The following DSCAM variants were observed in gnomAD, a reference collection of about 807,000 sequenced individuals.
The protein encoded by DSCAM is cell adhesion molecule DSCAM.
Under a neutral mutation model 217.7 loss-of-function variants are expected in DSCAM, and 47 were observed. That is an observed-to-expected ratio of 0.22 (90% CI 0.17 to 0.28). The LOEUF is 0.28. DSCAM is among the 10% of genes least tolerant of loss of function. The pLI is 1.00. For missense variants in DSCAM, 2,080 were observed against 2,618.3 expected (o/e 0.79, Z 4.49); for synonymous variants, 1,056 against 1,015.3 (o/e 1.04, Z -0.76).
Position 40,144,447 on chromosome 21 carries a change from C to G in DSCAM, c.3259+44G>C. 1.9e-6 allele frequency: 3 copies of G among 1,608,582 alleles called. No individual in the cohort carries two copies. The highest frequency in any genetic ancestry group is 2.6e-6 in the Non-Finnish European group (3 of 1,176,330). ...AGCCCCGGGGCAGACCCGAGGGAACCTTTGCGGAGGGAAAAGCCACGACCA... is the reference window on the plus strand; with the variant it reads ...AGCCCCGGGGCAGACCCGAGGGAACGTTTGCGGAGGGAAAAGCCACGACCA... On this transcript the variant is annotated intron_variant, in intron 17 of 32. Coordinates refer to ENST00000400454, the MANE Select transcript of DSCAM (RefSeq NM_001389.5). The surrounding 1 kb of genome is among the most constrained non-coding windows in gnomAD (Gnocchi z 4.8).
At chr21:40,725,951 A>T (rs2090951789) in intron 1 of DSCAM, among the ~76,000 whole-genome samples, 1 of 152,206 alleles carries the variant, frequency 6.6e-6, no homozygotes, top group South Asian at 2.1e-4. Context: ...AAAATGAATT[A>T]AAAGGTTGCA....
chr21:40,558,453 G>GAAA (rs34187407), intron 3 of DSCAM, among the ~76,000 whole-genome samples: 6 of 142,918 alleles, frequency 4.2e-5, no homozygotes, highest in African/African-American at 1.3e-4. Context: ...ATCTCAAAAA[G>GAAA]AAAAAAAAAA....
At chr21:40,143,102 C>T (rs2837452) in intron 17 of DSCAM, among the ~76,000 whole-genome samples, 65,641 of 152,008 alleles carry the variant, frequency 0.43, 17,206 homozygotes, top group South Asian at 0.59. Flanking sequence ...GAGTACGGTA[C>T]CTCTGTATTT....
intron 3 of DSCAM, among the ~76,000 whole-genome samples, chr21:40,659,875 T>C (rs989455415): frequency 1.2e-4 from 19 of 152,180 alleles, no homozygotes; most frequent in African/African-American, 4.1e-4. Context: ...GGTTGCCAAA[T>C]AACATACATG....
At chr21:40,544,064 G>C (rs1350691524) in intron 3 of DSCAM, among the ~76,000 whole-genome samples, 3 of 152,070 alleles carry the variant, frequency 2.0e-5, no homozygotes, top group African/African-American at 7.2e-5. Flanking sequence ...GAGGATACCT[G>C]GAAGTGAGGG....
intron 1 of DSCAM, among the ~76,000 whole-genome samples, chr21:40,734,937 G>A (rs2091048583): frequency 2.0e-5 from 3 of 152,348 alleles, no homozygotes; most frequent in South Asian, 4.1e-4. Context: ...AGTAGACAAA[G>A]TAAGAAGAGA....
At chr21:40,596,619 A>G (rs1016051664) in intron 3 of DSCAM, among the ~76,000 whole-genome samples, 2 of 152,214 alleles carry the variant, frequency 1.3e-5, no homozygotes, top group African/African-American at 4.8e-5. Flanking sequence ...AACAGAACAC[A>G]GAATTGTGGT....
intron 32 of DSCAM, among the ~76,000 whole-genome samples, chr21:40,029,079 A>G (rs898458376): frequency 6.6e-6 from 1 of 152,184 alleles, no homozygotes; most frequent in Non-Finnish European, 1.5e-5. Flanking sequence ...AACAGAAAAC[A>G]AAATTCTCTA....
chr21:40,561,243 G>A (rs977971984), intron 3 of DSCAM, among the ~76,000 whole-genome samples: 1 of 152,122 alleles, frequency 6.6e-6, no homozygotes, highest in Non-Finnish European at 1.5e-5. Context: ...GTCTAAAATG[G>A]CAACCCAGTA....
intron 2 of DSCAM, among the ~76,000 whole-genome samples, chr21:40,707,601 C>T (rs552671378): frequency 6.6e-6 from 1 of 152,276 alleles, no homozygotes; most frequent in South Asian, 2.1e-4. Context: ...TGCAAAGCTC[C>T]CCCAGCTACC....
chr21:40,109,833 C>T (rs1242176456), intron 20 of DSCAM, among the ~76,000 whole-genome samples: 3 of 152,216 alleles, frequency 2.0e-5, no homozygotes, highest in African/African-American at 7.2e-5. Flanking sequence ...GCACAGCAGT[C>T]TGAGATCAAA....
At chr21:40,412,534 G>A (rs137863671) in intron 3 of DSCAM, among the ~76,000 whole-genome samples, 40 of 152,274 alleles carry the variant, frequency 2.6e-4, no homozygotes, top group Middle Eastern at 6.8e-3. Context: ...ATGGCATTTT[G>A]CCCCTGCCCT....
intron 1 of DSCAM, among the ~76,000 whole-genome samples, chr21:40,749,615 G>T (rs138705576): frequency 6.6e-6 from 1 of 152,156 alleles, no homozygotes; most frequent in Non-Finnish European, 1.5e-5. Context: ...GCTCTTCCAC[G>T]CTGTTGGTGA....
intron 3 of DSCAM, among the ~76,000 whole-genome samples, chr21:40,620,770 T>C (rs2089503386): frequency 6.6e-6 from 1 of 152,234 alleles, no homozygotes; most frequent in Non-Finnish European, 1.5e-5. Flanking sequence ...AACACTACAC[T>C]GTGTTCATAT....
intron 10 of DSCAM, among the ~76,000 whole-genome samples, chr21:40,289,131 T>C (rs1459678738): frequency 6.6e-6 from 1 of 152,248 alleles, no homozygotes; most frequent in Non-Finnish European, 1.5e-5. Context: ...GAGAGAAGCC[T>C]AGAAAAATGT....
chr21:40,061,919 A>C (rs1234187135), intron 28 of DSCAM, among the ~76,000 whole-genome samples: 1 of 152,126 alleles, frequency 6.6e-6, no homozygotes, highest in Non-Finnish European at 1.5e-5. Context: ...AGTCCTTGAC[A>C]TTTTCCCTAC....
In DSCAM at chr21:40,275,954, A is replaced by T. The variant is rs2073680637; in HGVS notation, c.2356+143T>A. On this transcript the variant is annotated intron_variant, in intron 11 of 32. Transcript: ENST00000400454. Reference sequence around the variant, plus strand: ...TTCAATCATGTTTCCAGAACAACAAAACTTTAAACCCAGCTATATCACACC... The same window carrying T: ...TTCAATCATGTTTCCAGAACAACAATACTTTAAACCCAGCTATATCACACC... 14 of 830,396 alleles carry T rather than the reference A, an allele frequency of 1.7e-5. No homozygotes were observed. The South Asian group carries it at 4.7e-4, about 28-fold the overall frequency. 51.4% of individuals were successfully genotyped at this position (830,396 alleles called of 1,614,324 possible). A position where few individuals can be genotyped will look rare whatever the true frequency, so the allele number is the denominator to read the frequency against.
At chr21:40,689,920 G>T (rs931192127) in intron 3 of DSCAM, among the ~76,000 whole-genome samples, 1 of 152,182 alleles carries the variant, frequency 6.6e-6, no homozygotes, top group Non-Finnish European at 1.5e-5. Flanking sequence ...ATGCAAGGTC[G>T]TTCCCTGAAG....
intron 11 of DSCAM, among the ~76,000 whole-genome samples, chr21:40,193,870 C>T (rs1187356723): frequency 1.3e-5 from 2 of 152,134 alleles, no homozygotes; most frequent in African/African-American, 4.8e-5. Flanking sequence ...GAGAGCAAGC[C>T]AATTCTGAAG....
Sources: allele counts gnomAD v4.1 joint callset (sites outside exome capture counted in the v4.1 genomes callset), GRCh38; gene constraint gnomAD v4.1.1; non-coding constraint Gnocchi (gnomAD v3.1); transcripts MANE v1.5; gene names NCBI Gene and HGNC (gene_info 2026-07-23, HGNC 2026-07-21).